The following TMEFF2 variants were observed in gnomAD, a reference collection of about 807,000 sequenced individuals.
TMEFF2 encodes tomoregulin-2.
A neutral mutation model predicts 53.8 loss-of-function variants in TMEFF2; 28 were observed. The ratio of observed to expected loss-of-function variants is 0.52; its 90% CI spans 0.39 to 0.71. TMEFF2 has a LOEUF of 0.71. Ranked by LOEUF, TMEFF2 falls within the 30% of genes least tolerant of loss-of-function variation. The pLI, the probability that TMEFF2 is intolerant of heterozygous loss-of-function variation, is 0.00. For synonymous variants in TMEFF2, 162 were observed against 166.3 expected (o/e 0.97, Z 0.20); for missense variants, 353 against 455.2 (o/e 0.78, Z 2.04).
intron 7 of TMEFF2, chr2:191,992,810 A>G (rs1386230309): frequency 6.6e-6 from 1 of 152,130 alleles, no homozygotes; most frequent in East Asian, 1.9e-4. Context: ...GATGCTTAGA[A>G]TATATAGATT....
intron 4 of TMEFF2, among the ~76,000 whole-genome samples, chr2:192,132,061 C>G (rs1301466739): frequency 6.6e-6 from 1 of 152,126 alleles, no homozygotes; most frequent in Non-Finnish European, 1.5e-5. Context: ...GTCACTGAGT[C>G]TTTCTAATCT....
At chr2:191,951,657 A>G (rs534944113) in intron 9 of TMEFF2, among the ~76,000 whole-genome samples, 2 of 152,222 alleles carry the variant, frequency 1.3e-5, no homozygotes, top group East Asian at 3.9e-4. Context: ...CAGACAGCCT[A>G]GTTGGAAAGT....
chr2:192,194,229 A>C lies in TMEFF2; in HGVS notation c.172+124T>G. On this transcript the variant is annotated intron_variant, in intron 1 of 9. Coordinates refer to ENST00000272771, the MANE Select transcript of TMEFF2 (RefSeq NM_016192.4). This position sits in a 1 kb window ranked among gnomAD's most constrained non-coding sequence, Gnocchi z 4.2. ...GTTTCTCTGGATAGAGGTGGGTGGT[A>C]TTAGGGGTCTAGGGCAGTAGGAGGT... The C allele has an allele frequency of 8.8e-7, 1 of 1,131,444 alleles. No individual in the cohort carries two copies. Among genetic ancestry groups the C allele is most frequent in the Non-Finnish European group, 1.3e-6 (1 of 777,320 alleles). 70.1% of individuals were successfully genotyped at this position (1,131,444 alleles called of 1,614,324 possible).
intron 4 of TMEFF2, among the ~76,000 whole-genome samples, chr2:192,132,294 G>A (rs1028545236): frequency 2.0e-5 from 3 of 152,026 alleles, no homozygotes; most frequent in Non-Finnish European, 2.9e-5. Flanking sequence ...CCAGGTTAAT[G>A]CTCCTTTTTC....
At chr2:192,143,251 T>A (rs991659729) in intron 4 of TMEFF2, among the ~76,000 whole-genome samples, 23 of 152,152 alleles carry the variant, frequency 1.5e-4, no homozygotes, top group Non-Finnish European at 2.8e-4. Flanking sequence ...GATCTGTTTA[T>A]CTAATTTAAT....
intron 5 of TMEFF2, chr2:192,032,587 A>G (rs1687167482): frequency 6.6e-6 from 1 of 152,198 alleles, no homozygotes; most frequent in African/African-American, 2.4e-5. Flanking sequence ...GCGGTAATAC[A>G]AAGAGACAGG....
chr2:192,072,319 T>A (rs1688310038), intron 4 of TMEFF2, among the ~76,000 whole-genome samples: 2 of 151,990 alleles, frequency 1.3e-5, no homozygotes, highest in Non-Finnish European at 2.9e-5. Context: ...GGAAATATTT[T>A]CTAATAATCA....
intron 4 of TMEFF2, among the ~76,000 whole-genome samples, chr2:192,119,510 T>C (rs1689497174): frequency 6.6e-6 from 1 of 152,238 alleles, no homozygotes; most frequent in Non-Finnish European, 1.5e-5. Context: ...CATCTCTCAA[T>C]ATATGCCTTT....
At chr2:192,115,835 T>C (rs1488991723) in intron 4 of TMEFF2, among the ~76,000 whole-genome samples, 5 of 152,028 alleles carry the variant, frequency 3.3e-5, no homozygotes, top group African/African-American at 1.2e-4. Flanking sequence ...AGTCAAAAGA[T>C]AAGTGTTGCC....
intron 4 of TMEFF2, among the ~76,000 whole-genome samples, chr2:192,168,718 C>T (rs1402739104): frequency 6.6e-6 from 1 of 152,072 alleles, no homozygotes; most frequent in Non-Finnish European, 1.5e-5. Context: ...TTTTAGTACA[C>T]AAAACCATTC....
intron 4 of TMEFF2, among the ~76,000 whole-genome samples, chr2:192,098,189 G>A (rs1574370730): frequency 6.6e-6 from 1 of 152,302 alleles, no homozygotes; most frequent in East Asian, 1.9e-4. Flanking sequence ...AAATACAAAA[G>A]TGACTTTTTG....
intron 4 of TMEFF2, among the ~76,000 whole-genome samples, chr2:192,146,576 G>A (rs995484082): frequency 1.3e-5 from 2 of 151,948 alleles, no homozygotes; most frequent in East Asian, 3.9e-4. Flanking sequence ...CTGATTCATT[G>A]AGAGAATGTG....
chr2:192,158,026 C>T (rs190609865), intron 4 of TMEFF2, among the ~76,000 whole-genome samples: 16 of 152,178 alleles, frequency 1.1e-4, no homozygotes, highest in African/African-American at 2.9e-4. Context: ...GCAGGATCCA[C>T]GCCAAATTTA....
At position 192,057,672 on chromosome 2, in the gene TMEFF2, A is replaced by G. The variant is rs1687944582; in HGVS notation, c.536+7T>C. ...TTTTGTCTAAAAGAATAAAAACAGC[A>G]TATTACCAGACATCCTCGGCATCTT... On this transcript the variant is annotated splice_region_variant and intron_variant, in intron 5 of 9. Coordinates refer to ENST00000272771, the MANE Select transcript of TMEFF2 (RefSeq NM_016192.4). 6.2e-7 allele frequency: 1 copy of G among 1,611,040 alleles called. No homozygotes were observed. Among genetic ancestry groups the G allele is most frequent in the Non-Finnish European group, 8.5e-7 (1 of 1,177,238 alleles).
chr2:192,133,538 A>C (rs1386476168), intron 4 of TMEFF2, among the ~76,000 whole-genome samples: 1 of 152,182 alleles, frequency 6.6e-6, no homozygotes, highest in African/African-American at 2.4e-5. Flanking sequence ...CAAGCCTTAC[A>C]AGTTAGTTCA....
chr2:192,069,988 G>GTGTA (rs1340532324), intron 4 of TMEFF2, among the ~76,000 whole-genome samples: 18 of 118,802 alleles, frequency 1.5e-4, no homozygotes, highest in African/African-American at 2.0e-4. Flanking sequence ...GTGTGTGTGT[G>GTGTA]TATATATATA....
At chr2:192,118,058 T>TAA (rs35511992) in intron 4 of TMEFF2, among the ~76,000 whole-genome samples, 52 of 148,556 alleles carry the variant, frequency 3.5e-4, no homozygotes, top group Non-Finnish European at 6.7e-4. Context: ...TTCCATTAAT[T>TAA]AAAAAAAAAA....
chr2:192,078,722 T>C (rs1688487903), intron 4 of TMEFF2, among the ~76,000 whole-genome samples: 1 of 152,156 alleles, frequency 6.6e-6, no homozygotes, highest in South Asian at 2.1e-4. Flanking sequence ...TTTTAAAATA[T>C]CACAAATTTG....
chr2:192,050,163 C>T (rs1180701024), intron 5 of TMEFF2, among the ~76,000 whole-genome samples: 5 of 152,200 alleles, frequency 3.3e-5, no homozygotes. Context: ...ATGATTTAAA[C>T]TGCATGGCCT....
Sources: gnomAD v4.1 joint callset for allele counts (sites outside exome capture counted in the v4.1 genomes callset) on GRCh38, gnomAD v4.1.1 for gene constraint, Gnocchi (gnomAD v3.1) non-coding constraint, MANE v1.5 for transcripts, NCBI Gene and HGNC (gene_info 2026-07-23, HGNC 2026-07-21) for gene names.